Variants in CCZ1 observed in about 807,000 individuals in gnomAD.
CCZ1 encodes the protein CCZ1 vacuolar protein trafficking and biogenesis associated.
A neutral mutation model predicts 57.8 loss-of-function variants in CCZ1; 19 were observed. The observed-to-expected ratio is 0.33, with a 90% CI of 0.23 to 0.48. CCZ1 has a LOEUF of 0.48. Among genes scored for constraint, CCZ1 ranks in the 20% least tolerant of loss-of-function variants. The pLI is 0.99. For synonymous variants in CCZ1, 81 were observed against 167.0 expected (o/e 0.49, Z 3.97); for missense variants, 200 against 492.0 (o/e 0.41, Z 5.61).
At chr7:5,902,803 A>G (rs1435866177) in intron 6 of CCZ1, 59 bp downstream of exon 6, 1 of 1,558,570 alleles carries the variant, frequency 6.4e-7, no homozygotes, top group Non-Finnish European at 8.6e-7. Flanking sequence ...TTTTAGAGAA[A>G]TATAGACAGA....
intron 7 of CCZ1, among the ~76,000 whole-genome samples, chr7:5,909,374 C>G (rs1324836293): frequency 6.6e-6 from 1 of 150,500 alleles, no homozygotes. Flanking sequence ...GTAATCCAGC[C>G]TGGGCGACAG....
At chr7:5,907,931 C>CA (rs1781872842) in intron 7 of CCZ1, among the ~76,000 whole-genome samples, 6 of 38,406 alleles carry the variant, frequency 1.6e-4, no homozygotes, top group African/African-American at 3.8e-4. Flanking sequence ...ACTGTATCTA[C>CA]AAAAAATGGA....
chr7:5,907,391 A>T lies in CCZ1; in HGVS notation c.698+2122A>T, dbSNP rs1781856679. 2.0e-5 allele frequency among the ~76,000 whole-genome samples: 3 copies of T among 149,366 alleles called. 1 individual carries two copies. The South Asian group carries it at 6.5e-4, about 33-fold the overall frequency. On this transcript the variant is annotated intron_variant, in intron 7 of 14. Coordinates refer to ENST00000325974, the MANE Select transcript of CCZ1 (RefSeq NM_015622.6). ...TTGCAAGTCACACGCAGCCACAGCGATAGGGAGATGTCATGTGACAAGCCA... is the reference window on the plus strand; with the variant it reads ...TTGCAAGTCACACGCAGCCACAGCGTTAGGGAGATGTCATGTGACAAGCCA...
chr7:5,923,013 C>G (rs1295633568), intron 12 of CCZ1, among the ~76,000 whole-genome samples: 1 of 145,396 alleles, frequency 6.9e-6, no homozygotes, highest in Non-Finnish European at 1.5e-5. Context: ...TCCCGTGAAA[C>G]TTTGTTTAGA....
At chr7:5,907,042 G>T (rs4480004) in intron 7 of CCZ1, among the ~76,000 whole-genome samples, 29,550 of 147,826 alleles carry the variant, frequency 0.2, 3,162 homozygotes, top group Admixed American at 0.32. Flanking sequence ...TAATTTTTTT[G>T]TAGAGATGGG....
intron 5 of CCZ1, 142 bp from the exon 6 acceptor site, chr7:5,902,519 C>T: frequency 7.4e-7 from 1 of 1,344,970 alleles, no homozygotes. Flanking sequence ...CTCAAGTTTT[C>T]TCATGTAAAT....
intron 7 of CCZ1, 81 bp from the exon 8 acceptor site, chr7:5,909,954 T>G: frequency 8.0e-7 from 1 of 1,251,602 alleles, no homozygotes; most frequent in Non-Finnish European, 1.1e-6. Flanking sequence ...AAAAAATTTT[T>G]GTTTAATGAG....
At chr7:5,899,719 A>G (rs1464001537) in intron 1 of CCZ1, among the ~76,000 whole-genome samples, 1 of 150,864 alleles carries the variant, frequency 6.6e-6, no homozygotes, top group Non-Finnish European at 1.5e-5. Context: ...GGTGAGCTGT[A>G]ATAGCGCCAC....
At chr7:5,900,072 C>T (rs2128609972) in intron 1 of CCZ1, among the ~76,000 whole-genome samples, 1 of 151,270 alleles carries the variant, frequency 6.6e-6, no homozygotes, top group East Asian at 2.0e-4. Context: ...ACTGTGTTGC[C>T]ATGCTGGTCT....
At position 5,914,649 on chromosome 7, in the gene CCZ1, C is replaced by T. The variant is rs570979732; in HGVS notation, c.954+1695C>T. On this transcript the variant is annotated intron_variant, in intron 10 of 14. Coordinates refer to ENST00000325974, the MANE Select transcript of CCZ1 (RefSeq NM_015622.6). Reference sequence around the variant, plus strand: ...CAACACTTTGGGAGGCCAAGGTGGGCGGATCACCTGAGGTCTGGAGTTCGA... The same window carrying T: ...CAACACTTTGGGAGGCCAAGGTGGGTGGATCACCTGAGGTCTGGAGTTCGA... Among the ~76,000 whole-genome samples the T allele has an allele frequency of 2.0e-5, 3 of 148,232 alleles. 1 individual carries two copies. The highest frequency in any genetic ancestry group is 4.5e-4 in the South Asian group (2 of 4,482).
chr7:5,908,935 C>G (rs1217635215), intron 7 of CCZ1, among the ~76,000 whole-genome samples: 2 of 147,240 alleles, frequency 1.4e-5, no homozygotes, highest in Non-Finnish European at 3.0e-5. Context: ...GATCACGTTC[C>G]CTGTCTACAG....
At chr7:5,925,440 C>T (rs548109747) in intron 14 of CCZ1, 192 bp from the exon 15 acceptor site, 2 of 535,754 alleles carry the variant, frequency 3.7e-6, no homozygotes, top group East Asian at 6.5e-5. Flanking sequence ...ACACTCCAGC[C>T]TGGGTGACAG....
At chr7:5,922,480 CG>C (rs1211554079) in intron 12 of CCZ1, among the ~76,000 whole-genome samples, 1 of 123,328 alleles carries the variant, frequency 8.1e-6, no homozygotes, top group African/African-American at 3.2e-5. Flanking sequence ...AGCCCAGGGG[CG>C]GGGCTGTGCT....
At chr7:5,907,272 T>C (rs1781853740) in intron 7 of CCZ1, among the ~76,000 whole-genome samples, 1 of 149,536 alleles carries the variant, frequency 6.7e-6, no homozygotes, top group Non-Finnish European at 1.5e-5. Flanking sequence ...GAAATTCTGC[T>C]GTGAAATGTA....
chr7:5,925,450 G>A (rs1416063835), intron 14 of CCZ1, 182 bp from the exon 15 acceptor site: 61 of 569,124 alleles, frequency 1.1e-4, no homozygotes, highest in Non-Finnish European at 9.2e-6. Context: ...CTGGGTGACA[G>A]AGCAAGACTC....
rs967938164 is a variant in CCZ1, at chr7:5,914,002, A to G, written c.954+1048A>G. ...GACCTTCATCCTACACTCAGAGTGAAGCCTCCATCTCTGGTCAGCCTTCTG... is the reference window on the plus strand; with the variant it reads ...GACCTTCATCCTACACTCAGAGTGAGGCCTCCATCTCTGGTCAGCCTTCTG... On this transcript the variant is annotated intron_variant, in intron 10 of 14. Transcript: ENST00000325974. 4.0e-4 allele frequency among the ~76,000 whole-genome samples: 57 copies of G among 141,474 alleles called. 7 individuals carry two copies. The highest frequency in any genetic ancestry group is 2.0e-3 in the Admixed American group (29 of 14,354). 92.8% of individuals were successfully genotyped at this position (141,474 alleles called of 152,430 possible).
chr7:5,902,782 A>G (rs374838663), intron 6 of CCZ1, 38 bp downstream of exon 6: 27 of 1,580,668 alleles, frequency 1.7e-5, no homozygotes, highest in Middle Eastern at 1.7e-4. Context: ...TTTAGTAAGC[A>G]TTCAGCAGGT....
intron 1 of CCZ1, among the ~76,000 whole-genome samples, chr7:5,899,374 TGTGTGTGTG>T (rs1781630366): frequency 7.9e-6 from 1 of 127,120 alleles, no homozygotes; most frequent in African/African-American, 3.1e-5. Flanking sequence ...TGTGTGTGTG[TGTGTGTGTG>T]GTTTTTCTGA....
intron 12 of CCZ1, among the ~76,000 whole-genome samples, chr7:5,921,321 AGT>A (rs1311594208): frequency 1.1e-5 from 1 of 89,046 alleles, no homozygotes; most frequent in Non-Finnish European, 2.3e-5. Context: ...TTTGTACAAC[AGT>A]GTGTGGATTA....
Sources: gnomAD v4.1 joint callset for allele counts (sites outside exome capture counted in the v4.1 genomes callset) on GRCh38, gnomAD v4.1.1 for gene constraint, MANE v1.5 for transcripts, NCBI Gene and HGNC (gene_info 2026-07-23, HGNC 2026-07-21) for gene names.